Variants in LPXN observed in about 807,000 individuals in gnomAD.
LPXN encodes the protein leupaxin.
LPXN carries 28 observed loss-of-function variants against 45.6 expected under a neutral mutation model. That is an observed-to-expected ratio of 0.61 (90% CI 0.45 to 0.84). The LOEUF is 0.84. LPXN is among the 40% of genes least tolerant of loss of function. The pLI, the probability that LPXN is intolerant of heterozygous loss-of-function variation, is 0.00. For missense variants in LPXN, 459 were observed against 475.0 expected, an observed-to-expected ratio of 0.97 and a Z score of 0.31; for synonymous variants, 166 against 169.9, an observed-to-expected ratio of 0.98 and a Z score of 0.18.
chr11:58,537,642 C>T (rs951712645), intron 7 of LPXN, among the ~76,000 whole-genome samples: 1 of 151,912 alleles, frequency 6.6e-6, no homozygotes, highest in Non-Finnish European at 1.5e-5. Context: ...ACATGTACAC[C>T]AGAACTTAAA....
chr11:58,556,049 C>A (rs905855376), intron 3 of LPXN, among the ~76,000 whole-genome samples: 2 of 151,802 alleles, frequency 1.3e-5, no homozygotes, highest in African/African-American at 2.4e-5. Flanking sequence ...TGGAACATTA[C>A]CTAATTCATT....
At chr11:58,552,352 C>T (rs1354900284) in intron 4 of LPXN, among the ~76,000 whole-genome samples, 1 of 151,976 alleles carries the variant, frequency 6.6e-6, no homozygotes, top group African/African-American at 2.4e-5. Context: ...CCTTCATAAC[C>T]TCATAACCTG....
chr11:58,537,413 A>T (rs1853584511), intron 7 of LPXN, among the ~76,000 whole-genome samples: 1 of 152,220 alleles, frequency 6.6e-6, no homozygotes, highest in Non-Finnish European at 1.5e-5. Flanking sequence ...ACACAGGAAC[A>T]GAAAACCAAA....
At chr11:58,544,079 C>T (rs1332548950) in intron 7 of LPXN, among the ~76,000 whole-genome samples, 1 of 152,126 alleles carries the variant, frequency 6.6e-6, no homozygotes, top group Non-Finnish European at 1.5e-5. Context: ...ATTTTATATG[C>T]TGTCCTGTGT....
At chr11:58,564,465 G>A (rs1854470441) in intron 2 of LPXN, among the ~76,000 whole-genome samples, 1 of 152,174 alleles carries the variant, frequency 6.6e-6, no homozygotes, top group East Asian at 1.9e-4. Context: ...TAGAGAAGTT[G>A]ATCCTCCTTA....
intron 8 of LPXN, 107 bp from the exon 9 acceptor site, chr11:58,527,830 CAGGAAT>C: frequency 8.2e-7 from 1 of 1,216,348 alleles, no homozygotes; most frequent in Non-Finnish European, 1.1e-6. Context: ...CTGCCAGCTA[CAGGAAT>C]TTCCCTCAGG....
chr11:58,576,936 C>CA (rs1854909346), upstream of LPXN, among the ~76,000 whole-genome samples: 1 of 152,122 alleles, frequency 6.6e-6, no homozygotes, highest in African/African-American at 2.4e-5. Context: ...CCCATCACGC[C>CA]ACCAGGTTAG....
At chr11:58,559,868 C>T (rs761187467) in intron 3 of LPXN, among the ~76,000 whole-genome samples, 2 of 151,984 alleles carry the variant, frequency 1.3e-5, no homozygotes, top group African/African-American at 2.4e-5. Context: ...AGAGACAGAC[C>T]CTATCTCAAA....
chr11:58,532,029 C>T (rs1341659973), intron 7 of LPXN, among the ~76,000 whole-genome samples: 1 of 152,226 alleles, frequency 6.6e-6, no homozygotes, highest in Non-Finnish European at 1.5e-5. Context: ...GATCAGCAGG[C>T]CCCGCACTCA....
At chr11:58,559,980 A>C (rs551922953) in intron 3 of LPXN, among the ~76,000 whole-genome samples, 74 of 152,224 alleles carry the variant, frequency 4.9e-4, no homozygotes, top group Non-Finnish European at 1.0e-3. Flanking sequence ...GAAGAACCTG[A>C]CAGCAGTTAC....
intron 7 of LPXN, among the ~76,000 whole-genome samples, chr11:58,542,552 C>T (rs1177774085): frequency 6.6e-6 from 1 of 151,870 alleles, no homozygotes; most frequent in Non-Finnish European, 1.5e-5. Flanking sequence ...TATAGTACTA[C>T]TAAACACCAG....
intron 5 of LPXN, 104 bp from the exon 6 acceptor site, chr11:58,550,250 A>G: frequency 9.5e-7 from 1 of 1,056,822 alleles, no homozygotes; most frequent in East Asian, 2.4e-5. Context: ...CCCCTTGTAG[A>G]CAACACGCCC....
At chr11:58,544,587 G>T (rs2120280724) in intron 7 of LPXN, among the ~76,000 whole-genome samples, 1 of 152,276 alleles carries the variant, frequency 6.6e-6, no homozygotes, top group South Asian at 2.1e-4. Flanking sequence ...TCTCAGGAAA[G>T]AAATCAAAAG....
intron 7 of LPXN, among the ~76,000 whole-genome samples, chr11:58,534,638 A>T (rs1002954108): frequency 6.6e-6 from 1 of 152,116 alleles, no homozygotes; most frequent in Admixed American, 6.5e-5. Context: ...CAAACAAATT[A>T]AAAAGCTATC....
chr11:58,529,375 C>G (rs949146037), intron 7 of LPXN, among the ~76,000 whole-genome samples: 1 of 151,992 alleles, frequency 6.6e-6, no homozygotes, highest in Non-Finnish European at 1.5e-5. Context: ...CTTTGGGAGG[C>G]CGAGGCGGGT....
intron 7 of LPXN, among the ~76,000 whole-genome samples, chr11:58,534,146 C>G (rs1853478723): frequency 6.6e-6 from 1 of 152,098 alleles, no homozygotes. Flanking sequence ...ATATTCAGGA[C>G]TTGAACTCAG....
At chr11:58,578,261 G>GA (rs1263349919), upstream of LPXN, 34 of 531,198 alleles carry the variant, frequency 6.4e-5, no homozygotes, top group South Asian at 4.3e-4. Flanking sequence ...ACTGCCTCCC[G>GA]AAAAAAAGGT....
In LPXN at chr11:58,575,849, A is replaced by T. The variant is rs376151254; in HGVS notation, c.-77T>A. On this transcript the variant is annotated 5_prime_UTR_variant, in exon 1 of 9. The change creates a new upstream start codon in the 5' untranslated region. Coordinates refer to ENST00000395074, the MANE Select transcript of LPXN (RefSeq NM_004811.3). ...GCATGTGCTGAAGAAGAGGACCGCA[A>T]AGGAACTGGATGAGACAGCATAAGG... 2 of 1,613,970 alleles carry T rather than the reference A, an allele frequency of 1.2e-6. No homozygotes were observed. The highest frequency in any genetic ancestry group is 1.7e-6 in the Non-Finnish European group (2 of 1,179,942).
At chr11:58,570,202 C>T (rs1318763301) in intron 2 of LPXN, among the ~76,000 whole-genome samples, 2 of 151,606 alleles carry the variant, frequency 1.3e-5, no homozygotes, top group Admixed American at 6.6e-5. Flanking sequence ...ATTTGGGAGG[C>T]TGAAGCAGGA....
Sources: allele counts gnomAD v4.1 joint callset (sites outside exome capture counted in the v4.1 genomes callset), GRCh38; gene constraint gnomAD v4.1.1; transcripts MANE v1.5; gene names NCBI Gene and HGNC (gene_info 2026-07-23, HGNC 2026-07-21).